PKHD1L1: variants seen among roughly 807,000 people sequenced by gnomAD.
PKHD1L1 encodes PKHD1 like 1, also known as fibrocystin-L.
Under a neutral mutation model 462.9 loss-of-function variants are expected in PKHD1L1, and 434 were observed. The ratio of observed to expected loss-of-function variants is 0.94; its 90% CI spans 0.87 to 1.02. The LOEUF is 1.02. PKHD1L1 is among the 50% of genes least tolerant of loss of function. The pLI is 0.00. For missense variants in PKHD1L1, 5,202 were observed against 5,096.1 expected (o/e 1.02, Z -0.63); for synonymous variants, 1,781 against 1,750.0 (o/e 1.02, Z -0.44).
At chr8:109,434,252 A>T (rs931768718) in intron 28 of PKHD1L1, among the ~76,000 whole-genome samples, 6 of 152,242 alleles carry the variant, frequency 3.9e-5, no homozygotes, top group African/African-American at 1.2e-4. Context: ...GTATAATTTT[A>T]AAAAAGAGAG....
Position 109,464,606 on chromosome 8 carries a change from C to T in PKHD1L1, c.7774C>T (p.Pro2592Ser), listed in dbSNP as rs1389230758. 2 of 1,612,642 alleles carry T rather than the reference C, an allele frequency of 1.2e-6. No homozygotes were observed. Among genetic ancestry groups the T allele is most frequent in the Non-Finnish European group, 8.5e-7 (1 of 1,179,770 alleles). The change falls in exon 49 of 78, where the codon CCT (proline) becomes TCT (serine). Residue 2592 changes from proline to serine, a missense_variant. By Grantham distance (74) the Pro-to-Ser change is moderately conservative (BLOSUM62 -1). Coordinates refer to ENST00000378402, the MANE Select transcript of PKHD1L1 (RefSeq NM_177531.6). ...FGFWYRMNNHPDGPSYDRNIC... is the reference protein window; with the variant it reads ...FGFWYRMNNHSDGPSYDRNIC... ...CTTTTGGTACCGGATGAACAACCAC[C>T]CTGATGGGCCATCCTATGACAGAAA...
At chr8:109,529,244 T>C (rs922119746) in intron 77 of PKHD1L1, among the ~76,000 whole-genome samples, 18 of 152,104 alleles carry the variant, frequency 1.2e-4, no homozygotes, top group Admixed American at 3.3e-4. Flanking sequence ...TGGAAGAAAT[T>C]AATTGGAGTC....
intron 5 of PKHD1L1, among the ~76,000 whole-genome samples, chr8:109,385,216 C>T (rs1812373617): frequency 6.6e-6 from 1 of 150,590 alleles, no homozygotes; most frequent in Non-Finnish European, 1.5e-5. Flanking sequence ...TTTTATTTCA[C>T]CTAAGATTTC....
intron 2 of PKHD1L1, among the ~76,000 whole-genome samples, chr8:109,372,581 C>T (rs1350522970): frequency 6.6e-6 from 1 of 152,150 alleles, no homozygotes; most frequent in Admixed American, 6.6e-5. Flanking sequence ...CTGTCTTGTG[C>T]CAGTTTTCAA....
Position 109,429,712 on chromosome 8 carries a change from C to A in PKHD1L1, c.3124-220C>A, listed in dbSNP as rs137861175. Reference sequence around the variant, plus strand: ...AAAATAGAGGAATCTTTCCTTCAATCTTTACAGCAGCTCTGTAAAGATGAA... The same window carrying A: ...AAAATAGAGGAATCTTTCCTTCAATATTTACAGCAGCTCTGTAAAGATGAA... On this transcript the variant is annotated intron_variant, in intron 26 of 77. Transcript: ENST00000378402. Among the ~76,000 whole-genome samples, 603 of 152,180 alleles carry A rather than the reference C, an allele frequency of 4.0e-3. 3 individuals are homozygous for A. The highest frequency in any genetic ancestry group is 7.1e-3 in the South Asian group (34 of 4,820).
intron 27 of PKHD1L1, among the ~76,000 whole-genome samples, chr8:109,430,583 A>G (rs1268396268): frequency 6.6e-6 from 1 of 152,186 alleles, no homozygotes; most frequent in Non-Finnish European, 1.5e-5. Context: ...TGCTTCAAAA[A>G]TGTGATTATG....
intron 53 of PKHD1L1, 126 bp downstream of exon 53, chr8:109,477,522 T>C: frequency 1.2e-6 from 1 of 828,186 alleles, no homozygotes. Context: ...CAAAGTACTT[T>C]CACATTCACT....
At chr8:109,450,323 A>G (rs1031200288) in intron 40 of PKHD1L1, among the ~76,000 whole-genome samples, 5 of 152,232 alleles carry the variant, frequency 3.3e-5, no homozygotes, top group African/African-American at 1.2e-4. Flanking sequence ...TTATGTGAAC[A>G]CATTTTTTAA....
Position 109,433,213 on chromosome 8 carries a change from G to A in PKHD1L1, c.3337G>A (p.Asp1113Asn), listed in dbSNP as rs1310092115. 24 of 1,604,486 alleles carry A rather than the reference G, an allele frequency of 1.5e-5. No individual in the cohort carries two copies. Among genetic ancestry groups the A allele is most frequent in the Non-Finnish European group, 2.0e-5 (24 of 1,172,570 alleles). ...GPVGCSLLSV[D>N]EKELKCQILN... is the part of the protein sequence containing the mutation. Reference sequence around the variant, plus strand: ...AGTAGGTTGTTCTCTTCTTTCTGTGGATGGTAGGTCCTTTTAAAAACTATT... The same window carrying A: ...AGTAGGTTGTTCTCTTCTTTCTGTGAATGGTAGGTCCTTTTAAAAACTATT... The change falls in exon 28 of 78, where the codon GAT becomes AAT. Residue 1113 changes from aspartate (D) to asparagine (N), a missense_variant. This residue lies in a region of PKHD1L1 where 4,497 missense variants were observed against 4,336.8 expected (regional missense o/e 1.04). Coordinates refer to ENST00000378402, the MANE Select transcript of PKHD1L1 (RefSeq NM_177531.6).
At position 109,404,711 on chromosome 8, in the gene PKHD1L1, C is replaced by T. The variant is rs762576713; in HGVS notation, c.1531C>T (p.Gln511Ter). 6 of 1,598,238 alleles carry T rather than the reference C, an allele frequency of 3.8e-6. No individual in the cohort carries two copies. Among genetic ancestry groups the T allele is most frequent in the Non-Finnish European group, 5.1e-6 (6 of 1,172,678 alleles). The change falls in exon 15 of 78, where the codon CAG (glutamine) becomes TAG (stop). Residue 511 changes from glutamine to a stop codon, truncating the protein, a stop_gained and splice_region_variant. Transcript: ENST00000378402. LOFTEE classifies it high-confidence loss of function. ...KSQSTILQEV[Q>*]VITLENWETT... ...CCAGTCGACAATCCTCCAGGAAGTA[C>T]AGGTTTGCTATGATTGCAGTTCCTC... is the stretch of plus-strand genomic sequence containing the variant.
Position 109,445,516 on chromosome 8 carries a change from C to T in PKHD1L1, c.5647C>T (p.Arg1883Cys), listed in dbSNP as rs143689966. The change falls in exon 38 of 78, where the codon CGC becomes TGC. Residue 1883 changes from arginine to cysteine, a missense_variant. By Grantham distance (180) the Arg-to-Cys change is radical. Coordinates refer to ENST00000378402, the MANE Select transcript of PKHD1L1 (RefSeq NM_177531.6). Reference protein sequence around the residue: ...ISINPNEVYCRTPAGTTGMVD... With the variant: ...ISINPNEVYCCTPAGTTGMVD... Reference sequence around the variant, plus strand: ...CATCAACCCCAATGAAGTCTACTGCCGCACTCCCGCTGGGACCACTGGAAT... The same window carrying T: ...CATCAACCCCAATGAAGTCTACTGCTGCACTCCCGCTGGGACCACTGGAAT... 1,452 of 1,613,550 alleles carry T rather than the reference C, an allele frequency of 9.0e-4. 7 individuals carry two copies. The African/African-American group carries it at 0.016, about 17-fold the overall frequency.
intron 1 of PKHD1L1, 111 bp downstream of exon 1, chr8:109,362,764 T>C: frequency 1.7e-6 from 2 of 1,202,952 alleles, no homozygotes; most frequent in Non-Finnish European, 2.4e-6. Flanking sequence ...GCTGAGGCTG[T>C]GGGTGCGGTT....
At chr8:109,490,814 A>C (rs1295836930) in intron 60 of PKHD1L1, among the ~76,000 whole-genome samples, 158 bp from the exon 61 acceptor site, 1 of 151,776 alleles carries the variant, frequency 6.6e-6, no homozygotes, top group African/African-American at 2.4e-5. Flanking sequence ...TTATATATGG[A>C]TATATTAAAG....
intron 48 of PKHD1L1, 78 bp from the exon 49 acceptor site, chr8:109,464,138 A>C: frequency 1.1e-6 from 1 of 944,624 alleles, no homozygotes; most frequent in Non-Finnish European, 1.4e-6. Context: ...ATATAAAATT[A>C]GATATTTTTT....
At chr8:109,395,283 G>A (rs1812912292) in intron 10 of PKHD1L1, among the ~76,000 whole-genome samples, 1 of 152,136 alleles carries the variant, frequency 6.6e-6, no homozygotes, top group African/African-American at 2.4e-5. Flanking sequence ...GAGGTTTCAG[G>A]TTGATAGTAT....
chr8:109,398,167 A>G (rs1813072901), intron 11 of PKHD1L1, among the ~76,000 whole-genome samples: 1 of 152,180 alleles, frequency 6.6e-6, no homozygotes, highest in Non-Finnish European at 1.5e-5. Flanking sequence ...TGAATTCAGA[A>G]GTAACATTTT....
chr8:109,493,773 T>A, intron 63 of PKHD1L1, 22 bp downstream of exon 63: 1 of 1,484,798 alleles, frequency 6.7e-7, no homozygotes, highest in Non-Finnish European at 9.2e-7. Flanking sequence ...AAACCAGGAA[T>A]CGCTAAAACT....
intron 4 of PKHD1L1, among the ~76,000 whole-genome samples, chr8:109,383,452 T>TA (rs1491364331): frequency 2.1e-4 from 26 of 126,516 alleles, no homozygotes; most frequent in Middle Eastern, 7.4e-3. Context: ...ATATTATAAG[T>TA]ATATATAATA....
intron 2 of PKHD1L1, among the ~76,000 whole-genome samples, chr8:109,371,846 C>T (rs1190464593): frequency 6.6e-6 from 1 of 152,126 alleles, no homozygotes; most frequent in Non-Finnish European, 1.5e-5. Flanking sequence ...GGTCTCTCTT[C>T]TGTTCCATTG....
Sources: allele counts gnomAD v4.1 joint callset (sites outside exome capture counted in the v4.1 genomes callset), GRCh38; gene constraint gnomAD v4.1.1; regional missense constraint gnomAD v4.1.1; transcripts MANE v1.5; gene names NCBI Gene and HGNC (gene_info 2026-07-23, HGNC 2026-07-21).